The following AP3M1 variants were observed in gnomAD, a reference collection of about 807,000 sequenced individuals.
AP3M1 encodes the protein adaptor related protein complex 3 subunit mu 1.
Under a neutral mutation model 42.6 loss-of-function variants are expected in AP3M1, and 29 were observed. That is an observed-to-expected ratio of 0.68 (90% CI 0.51 to 0.93). The LOEUF (loss-of-function observed/expected upper bound fraction) is 0.93, where lower values mean the gene tolerates loss of function less well. AP3M1 is among the 40% of genes least tolerant of loss of function. The probability of loss-of-function intolerance (pLI) is 0.00; values close to 1 mark genes in which losing one functional copy is unlikely to be tolerated. For synonymous variants in AP3M1, 178 were observed against 175.3 expected (o/e 1.02, Z -0.12); for missense variants, 416 against 510.2 (o/e 0.82, Z 1.78).
rs528085042 is a variant in AP3M1, at chr10:74,144,110, C to T, written c.-3-5728G>A. Among the ~76,000 whole-genome samples the T allele has an allele frequency of 8.5e-5, 13 of 152,096 alleles. 1 individual carries two copies. In the South Asian group the frequency reaches 1.2e-3, roughly 15 times the overall value. ...CCGAGTAGCTGGGACTACAGGAGCCCGCCACCACGCCTGGCTAATTTTTTG... is the reference window on the plus strand; with the variant it reads ...CCGAGTAGCTGGGACTACAGGAGCCTGCCACCACGCCTGGCTAATTTTTTG... On this transcript the variant is annotated intron_variant, in intron 1 of 8. Coordinates refer to ENST00000355264, the MANE Select transcript of AP3M1 (RefSeq NM_012095.6).
rs565587284 is a variant in AP3M1 at position 74,138,164 on chromosome 10, G to A, written c.216C>T (p.Thr72=). The A allele has an allele frequency of 1.9e-5, 30 of 1,614,050 alleles. No individual in the cohort carries two copies. The Middle Eastern group carries it at 6.6e-4, about 36-fold the overall frequency. Residue 72 remains threonine, a synonymous_variant, in exon 2 of 9, where the codon ACC becomes ACT. Transcript: ENST00000355264. ...DKLFFVSVIQ[T]EVPPLFVIEF... The stretch of plus-strand genomic sequence containing the variant: ...CAATTACAAAGAGAGGTGGCACTTC[G>A]GTCTGTATGACAGATACAAAGAAGA...
intron 1 of AP3M1, among the ~76,000 whole-genome samples, chr10:74,141,086 A>G (rs1282924741): frequency 6.6e-6 from 1 of 152,198 alleles, no homozygotes; most frequent in Non-Finnish European, 1.5e-5. Context: ...TCACAAAATG[A>G]TAGTAAATAT....
At chr10:74,147,782 C>A (rs11000895) in intron 1 of AP3M1, among the ~76,000 whole-genome samples, 1 of 151,938 alleles carries the variant, frequency 6.6e-6, no homozygotes, top group Non-Finnish European at 1.5e-5. Context: ...GGGCAGATCA[C>A]GAGGTCAGGA....
chr10:74,130,137 C>T, intron 4 of AP3M1, 145 bp from the exon 5 acceptor site: 1 of 637,496 alleles, frequency 1.6e-6, no homozygotes, highest in Non-Finnish European at 2.7e-6. Context: ...GTTGTATGAT[C>T]ATAGCTCACT....
At position 74,126,333 on chromosome 10, in the gene AP3M1, C is replaced by T; in HGVS notation, c.826G>A (p.Val276Met). ...SQNLVAIPVYVKHSISFKENS... is the reference protein window; with the variant it reads ...SQNLVAIPVYMKHSISFKENS... ...TCCTTAAAGCTGATACTATGTTTCA[C>T]ATACACTGGTATTGCCACTAGACTA... The change falls in exon 7 of 9, where the codon GTG becomes ATG. Residue 276 changes from valine to methionine, a missense_variant. By Grantham distance (21) the Val-to-Met change is conservative. Transcript: ENST00000355264. The T allele has an allele frequency of 6.2e-7, 1 of 1,614,048 alleles. No individual in the cohort carries two copies. Among genetic ancestry groups the T allele is most frequent in the Non-Finnish European group, 8.5e-7 (1 of 1,179,932 alleles).
At chr10:74,132,319 T>A (rs539438867) in intron 4 of AP3M1, among the ~76,000 whole-genome samples, 8 of 151,864 alleles carry the variant, frequency 5.3e-5, no homozygotes, top group Non-Finnish European at 1.2e-4. Context: ...ATTACAGGCG[T>A]GATCCACCAT....
At chr10:74,146,570 T>A (rs950746724) in intron 1 of AP3M1, among the ~76,000 whole-genome samples, 1 of 151,984 alleles carries the variant, frequency 6.6e-6, no homozygotes, top group African/African-American at 2.4e-5. Flanking sequence ...TGTGTGGAGA[T>A]GAGAGAGATG....
In AP3M1 at chr10:74,123,624, A is replaced by C; in HGVS notation, c.*186T>G. ...GATACAAAATAAGCTAAGTCACTAA[A>C]AGGTTTCCTTAGCTTAAAGCTCCTT... On this transcript the variant is annotated 3_prime_UTR_variant, in exon 9 of 9. Coordinates refer to ENST00000355264, the MANE Select transcript of AP3M1 (RefSeq NM_012095.6). 3.4e-6 allele frequency: 2 copies of C among 585,328 alleles called. No homozygotes were observed. Among genetic ancestry groups the C allele is most frequent in the Admixed American group, 3.2e-5 (1 of 31,164 alleles). The allele number at this position is 585,328 out of a possible 1,614,324, so 36.3% of individuals were successfully genotyped here. A position where few individuals can be genotyped will look rare whatever the true frequency, so the allele number is the denominator to read the frequency against.
At chr10:74,140,343 C>T (rs1298917770) in intron 1 of AP3M1, among the ~76,000 whole-genome samples, 5 of 152,260 alleles carry the variant, frequency 3.3e-5, no homozygotes, top group African/African-American at 4.8e-5. Flanking sequence ...CACCTGTAAC[C>T]GGTGGACTTC....
At position 74,123,846 on chromosome 10, in the gene AP3M1, G is replaced by A. The variant is rs759900402; in HGVS notation, c.1221C>T (p.Tyr407=). Reference sequence around the variant, plus strand: ...CTTGGAACTTTCCAGCTTTCGTGACGTATTTGACTCCTTTAAATGGCTTAT... The same window carrying A: ...CTTGGAACTTTCCAGCTTTCGTGACATATTTGACTCCTTTAAATGGCTTAT... ...EKYKPFKGVK[Y]VTKAGKFQVR... The change falls in exon 9 of 9, where the codon TAC becomes TAT. Residue 407 remains tyrosine (Y), a synonymous_variant. Coordinates refer to ENST00000355264, the MANE Select transcript of AP3M1 (RefSeq NM_012095.6). The A allele has an allele frequency of 5.5e-5, 88 of 1,613,978 alleles. No homozygotes were observed. In the East Asian group the frequency reaches 1.6e-3, roughly 30 times the overall value.
chr10:74,123,933 G>T (rs1284643416), intron 8 of AP3M1, 23 bp from the exon 9 acceptor site: 2 of 1,587,590 alleles, frequency 1.3e-6, no homozygotes, highest in Non-Finnish European at 1.7e-6. Context: ...GAATGAAAAA[G>T]AATAAATTAT....
At chr10:74,133,326 G>A (rs910151231) in intron 4 of AP3M1, among the ~76,000 whole-genome samples, 3 of 151,846 alleles carry the variant, frequency 2.0e-5, no homozygotes, top group Non-Finnish European at 2.9e-5. Flanking sequence ...CCCGGGAGGC[G>A]GAGGTTGCGG....
Position 74,126,359 on chromosome 10 carries a change from A to C in AP3M1, c.804-4T>G, listed in dbSNP as rs374547244. The C allele has an allele frequency of 4.8e-5, 77 of 1,611,340 alleles. No homozygotes were observed. The highest frequency in any genetic ancestry group is 6.5e-5 in the Non-Finnish European group (77 of 1,177,778). On this transcript the variant is annotated splice_region_variant and splice_polypyrimidine_tract_variant and intron_variant, in intron 6 of 8. Coordinates refer to ENST00000355264, the MANE Select transcript of AP3M1 (RefSeq NM_012095.6). Reference sequence around the variant, plus strand: ...ATACACTGGTATTGCCACTAGACTAAAAAGAGAAACAGAGAAAGATACAAA... The same window carrying C: ...ATACACTGGTATTGCCACTAGACTACAAAGAGAAACAGAGAAAGATACAAA...
At chr10:74,149,534 C>A (rs566795285) in intron 1 of AP3M1, among the ~76,000 whole-genome samples, 1 of 151,888 alleles carries the variant, frequency 6.6e-6, no homozygotes, top group South Asian at 2.1e-4. Flanking sequence ...GTGATCCGCC[C>A]GCTTCAGCCT....
chr10:74,140,211 G>A (rs1306134732), intron 1 of AP3M1, among the ~76,000 whole-genome samples: 1 of 152,206 alleles, frequency 6.6e-6, no homozygotes, highest in Non-Finnish European at 1.5e-5. Context: ...GCCCGAGCCT[G>A]CGTTTCCTGA....
At chr10:74,141,584 C>A (rs560630082) in intron 1 of AP3M1, among the ~76,000 whole-genome samples, 1 of 152,118 alleles carries the variant, frequency 6.6e-6, no homozygotes, top group African/African-American at 2.4e-5. Context: ...AGTATGATTC[C>A]ATTTATATGA....
At position 74,123,735 on chromosome 10, in the gene AP3M1, C is replaced by T; in HGVS notation, c.*75G>A. On this transcript the variant is annotated 3_prime_UTR_variant, in exon 9 of 9. Transcript: ENST00000355264. ...TTTAACTAGAATATGTATTCCCACTCACTTGGTACCTAATAGTGATACATC... is the reference window on the plus strand; with the variant it reads ...TTTAACTAGAATATGTATTCCCACTTACTTGGTACCTAATAGTGATACATC... 2 of 1,108,620 alleles carry T rather than the reference C, an allele frequency of 1.8e-6. No homozygotes were observed. Among genetic ancestry groups the T allele is most frequent in the African/African-American group, 1.5e-5 (1 of 64,996 alleles). 68.7% of individuals were successfully genotyped at this position (1,108,620 alleles called of 1,614,324 possible).
At chr10:74,143,585 C>T (rs1232352665) in intron 1 of AP3M1, among the ~76,000 whole-genome samples, 1 of 152,162 alleles carries the variant, frequency 6.6e-6, no homozygotes, top group Non-Finnish European at 1.5e-5. Flanking sequence ...GTATTGAGTA[C>T]TTATTATGGG....
chr10:74,144,202 C>A (rs1393964531), intron 1 of AP3M1, among the ~76,000 whole-genome samples: 1 of 152,162 alleles, frequency 6.6e-6, no homozygotes, highest in East Asian at 1.9e-4. Flanking sequence ...ACCTCATGAT[C>A]CACCCGCCTC....
Sources: allele counts gnomAD v4.1 joint callset (sites outside exome capture counted in the v4.1 genomes callset), GRCh38; gene constraint gnomAD v4.1.1; transcripts MANE v1.5; gene names NCBI Gene and HGNC (gene_info 2026-07-23, HGNC 2026-07-21).